Variants in GRIK2 observed in about 807,000 individuals in gnomAD.
GRIK2 encodes glutamate ionotropic receptor kainate type subunit 2.
Under a neutral mutation model 100.3 loss-of-function variants are expected in GRIK2, and 32 were observed. That is an observed-to-expected ratio of 0.32 (90% CI 0.24 to 0.43). The LOEUF is 0.43. Ranked by LOEUF, GRIK2 falls within the 20% of genes least tolerant of loss-of-function variation. The pLI is 1.00. For synonymous variants in GRIK2, 417 were observed against 389.4 expected (o/e 1.07, Z -0.83); for missense variants, 843 against 1,114.9 (o/e 0.76, Z 3.47).
At chr6:101,933,380 C>A (rs111953738) in intron 14 of GRIK2, among the ~76,000 whole-genome samples, 1 of 151,868 alleles carries the variant, frequency 6.6e-6, no homozygotes, top group African/African-American at 2.4e-5. Context: ...TCGTCTATCT[C>A]TTTCTTGTCC....
chr6:101,929,851 T>G (rs1790146418), intron 14 of GRIK2, among the ~76,000 whole-genome samples: 1 of 152,160 alleles, frequency 6.6e-6, no homozygotes, highest in Non-Finnish European at 1.5e-5. Context: ...TGGATATGGA[T>G]TTCACATTTA....
At chr6:101,407,852 G>C (rs1775673073) in intron 2 of GRIK2, among the ~76,000 whole-genome samples, 1 of 152,148 alleles carries the variant, frequency 6.6e-6, no homozygotes. Context: ...ATATACAATA[G>C]TTGTTTAAAT....
intron 11 of GRIK2, among the ~76,000 whole-genome samples, chr6:101,887,826 T>C (rs950741483): frequency 3.9e-5 from 6 of 151,908 alleles, no homozygotes; most frequent in African/African-American, 1.5e-4. Context: ...TGCTAAACCA[T>C]CAGAAACCAC....
At chr6:101,924,324 T>TA (rs1554287313) in intron 12 of GRIK2, among the ~76,000 whole-genome samples, 1 of 152,182 alleles carries the variant, frequency 6.6e-6, no homozygotes, top group East Asian at 1.9e-4. Context: ...GCCTAAGTCT[T>TA]AAAAAATGTT....
At chr6:102,057,778 A>T (rs1265129742) in intron 16 of GRIK2, among the ~76,000 whole-genome samples, 1 of 151,732 alleles carries the variant, frequency 6.6e-6, no homozygotes, top group Non-Finnish European at 1.5e-5. Context: ...GCCACACTAC[A>T]TTTTAACTCT....
chr6:101,601,918 G>T (rs374189145), intron 2 of GRIK2, among the ~76,000 whole-genome samples: 28 of 151,578 alleles, frequency 1.8e-4, no homozygotes, highest in South Asian at 1.2e-3. Context: ...TGGGCTTTGG[G>T]TCTTAATTTT....
At chr6:101,569,280 G>T (rs1777426462) in intron 2 of GRIK2, among the ~76,000 whole-genome samples, 1 of 151,572 alleles carries the variant, frequency 6.6e-6, no homozygotes. Flanking sequence ...TTATATAAGG[G>T]AAAAATAAAA....
At chr6:102,039,851 A>C (rs1270940333) in intron 15 of GRIK2, among the ~76,000 whole-genome samples, 1 of 151,502 alleles carries the variant, frequency 6.6e-6, no homozygotes, top group African/African-American at 2.4e-5. Context: ...CATTAAGATG[A>C]TTTCTATGTT....
intron 4 of GRIK2, among the ~76,000 whole-genome samples, chr6:101,674,196 CA>C (rs1770653961): frequency 6.6e-6 from 1 of 152,092 alleles, no homozygotes; most frequent in Admixed American, 6.6e-5. Context: ...CAGGTGAAAC[CA>C]GGCCTATATT....
chr6:101,733,432 C>G lies in GRIK2; in HGVS notation c.951+47079C>G, dbSNP rs536778393. Among the ~76,000 whole-genome samples the G allele has an allele frequency of 1.1e-4, 17 of 152,230 alleles. No homozygotes were observed. In the South Asian group the frequency reaches 3.1e-3, roughly 28 times the overall value. On this transcript the variant is annotated intron_variant, in intron 7 of 16. Transcript: ENST00000369134. ...ATCCTAACAAGGCAAATTTAGGCCT[C>G]CTTCATTCTGTCTTTTTTACTATGT...
At chr6:101,852,523 G>A (rs1320419671) in intron 10 of GRIK2, among the ~76,000 whole-genome samples, 1 of 152,244 alleles carries the variant, frequency 6.6e-6, no homozygotes, top group Non-Finnish European at 1.5e-5. Context: ...CATTTCAGCA[G>A]TCATTTTATT....
intron 4 of GRIK2, among the ~76,000 whole-genome samples, chr6:101,632,813 T>G (rs1316676736): frequency 2.6e-5 from 4 of 151,852 alleles, no homozygotes; most frequent in Admixed American, 2.6e-4. Flanking sequence ...GTGTAACAAG[T>G]GCACAGAGAG....
intron 4 of GRIK2, among the ~76,000 whole-genome samples, chr6:101,669,376 A>G (rs908322535): frequency 1.3e-5 from 2 of 152,118 alleles, no homozygotes; most frequent in African/African-American, 4.8e-5. Context: ...ATCAAATCAA[A>G]GCGTCCATTG....
chr6:101,795,162 C>T (rs534315054), intron 7 of GRIK2, among the ~76,000 whole-genome samples: 17 of 152,176 alleles, frequency 1.1e-4, no homozygotes, highest in South Asian at 6.2e-4. Context: ...CCACCATACC[C>T]GGCCAGCTTT....
chr6:101,522,429 G>A (rs534847819), intron 2 of GRIK2, among the ~76,000 whole-genome samples: 4 of 152,202 alleles, frequency 2.6e-5, no homozygotes, highest in East Asian at 3.9e-4. Flanking sequence ...CAAGCCTATC[G>A]TGGATTGACA....
chr6:101,721,842 C>G (rs1774508240), intron 7 of GRIK2, among the ~76,000 whole-genome samples: 1 of 151,858 alleles, frequency 6.6e-6, no homozygotes, highest in African/African-American at 2.4e-5. Flanking sequence ...ATTTATTTTA[C>G]TTGCCTTTAA....
chr6:101,827,388 T>C (rs1044355655), intron 10 of GRIK2, among the ~76,000 whole-genome samples: 1 of 151,968 alleles, frequency 6.6e-6, no homozygotes, highest in South Asian at 2.1e-4. Flanking sequence ...GCATGGTTTA[T>C]TAAAAAACTT....
At chr6:101,740,689 C>T (rs1044468258) in intron 7 of GRIK2, among the ~76,000 whole-genome samples, 2 of 152,198 alleles carry the variant, frequency 1.3e-5, no homozygotes, top group African/African-American at 4.8e-5. Flanking sequence ...AGAAGCTTGG[C>T]TCCAGCCAGC....
At chr6:101,786,332 T>A (rs992722355) in intron 7 of GRIK2, among the ~76,000 whole-genome samples, 5 of 152,066 alleles carry the variant, frequency 3.3e-5, no homozygotes, top group African/African-American at 1.2e-4. Flanking sequence ...CTTTCAGTAC[T>A]TTGTTGAATA....
Sources: gnomAD v4.1 joint callset for allele counts (sites outside exome capture counted in the v4.1 genomes callset) on GRCh38, gnomAD v4.1.1 for gene constraint, MANE v1.5 for transcripts, NCBI Gene and HGNC (gene_info 2026-07-23, HGNC 2026-07-21) for gene names.